PCF11: variants seen among roughly 807,000 people sequenced by gnomAD.
PCF11 encodes the protein PCF11 cleavage and polyadenylation factor subunit.
Under a neutral mutation model 166.1 loss-of-function variants are expected in PCF11, and 19 were observed. The ratio of observed to expected loss-of-function variants is 0.11; its 90% CI spans 0.08 to 0.17. The LOEUF (loss-of-function observed/expected upper bound fraction) is 0.17. PCF11 is among the 10% of genes least tolerant of loss of function. PCF11 has a pLI of 1.00. For synonymous variants in PCF11, 663 were observed against 644.1 expected (o/e 1.03, Z -0.44); for missense variants, 1,565 against 1,855.5 (o/e 0.84, Z 2.88).
At chr11:83,161,102 G>A (rs1860234695) in intron 1 of PCF11, among the ~76,000 whole-genome samples, 1 of 152,118 alleles carries the variant, frequency 6.6e-6, no homozygotes, top group Non-Finnish European at 1.5e-5. Context: ...GTATATTAGG[G>A]ATTACAGCTG....
At chr11:83,157,703 C>A in intron 1 of PCF11, 72 bp downstream of exon 1, 2 of 1,367,950 alleles carry the variant, frequency 1.5e-6, no homozygotes, top group South Asian at 1.2e-5. Flanking sequence ...CATCCCAGGT[C>A]TCGCTTCCAT....
intron 11 of PCF11, 25 bp downstream of exon 11, chr11:83,177,844 A>C (rs1249195079): frequency 3.4e-6 from 4 of 1,160,166 alleles, no homozygotes; most frequent in Non-Finnish European, 5.0e-6. Context: ...TTTCTTTAAG[A>C]TAAAGAGGCA....
In PCF11 at chr11:83,167,427, T is replaced by G; in HGVS notation, c.2014T>G (p.Leu672Val). 6.3e-7 allele frequency: 1 copy of G among 1,599,220 alleles called. No homozygotes were observed. Among genetic ancestry groups the G allele is most frequent in the Non-Finnish European group, 8.5e-7 (1 of 1,175,000 alleles). Reference sequence around the variant, plus strand: ...CACCCCTATACAGACGAGTGAACGTTTAGCATCTGGTGAAATTACACAGGA... The same window carrying G: ...CACCCCTATACAGACGAGTGAACGTGTAGCATCTGGTGAAATTACACAGGA... The change falls in exon 7 of 16, where the codon TTA becomes GTA. Residue 672 changes from leucine (L) to valine (V), a missense_variant. By Grantham distance (32) the Leu-to-Val change is conservative. Transcript: ENST00000298281. This position sits in a 1 kb window ranked among gnomAD's most constrained non-coding sequence, Gnocchi z 4.2.
chr11:83,169,189 G>A (rs1263639692), exon 8 of PCF11: 2 of 1,613,444 alleles, frequency 1.2e-6, no homozygotes, highest in Non-Finnish European at 1.7e-6. Flanking sequence ...ACAGCAAGGG[G>A]TTGGAATGAG....
At chr11:83,187,395 T>G (rs1342634287) in exon 16 of PCF11, 1 of 146,040 alleles carries the variant, frequency 6.8e-6, no homozygotes, top group African/African-American at 2.8e-5. Flanking sequence ...GTCAAGAAAA[T>G]ATGTAAGACT....
intron 9 of PCF11, among the ~76,000 whole-genome samples, chr11:83,173,449 G>A (rs775473656): frequency 2.0e-5 from 3 of 149,930 alleles, no homozygotes; most frequent in African/African-American, 4.9e-5. Context: ...GTGAGACTCC[G>A]TCTCAGAAAA....
exon 16 of PCF11, chr11:83,186,841 C>G (rs1861309360): frequency 6.6e-6 from 1 of 152,144 alleles, no homozygotes. Context: ...TCCTGTTGAA[C>G]ATTTTTCTGG....
chr11:83,159,895 A>G (rs1042476033), intron 1 of PCF11, among the ~76,000 whole-genome samples: 33 of 152,346 alleles, frequency 2.2e-4, no homozygotes, highest in African/African-American at 7.5e-4. Context: ...ACAATAAAAA[A>G]TTAGCCTACT....
exon 5 of PCF11, chr11:83,165,983 TAAATCGAAATCG>T (rs758555602): frequency 1.3e-6 from 2 of 1,598,124 alleles, no homozygotes; most frequent in African/African-American, 2.7e-5. Context: ...AATTAGATTC[TAAATCGAAATCG>T]AAATCGAAAT....
chr11:83,175,216 A>G (rs546315128), intron 9 of PCF11, among the ~76,000 whole-genome samples: 10 of 151,866 alleles, frequency 6.6e-5, no homozygotes, highest in South Asian at 2.1e-4. Flanking sequence ...GCTCACTGCA[A>G]CCTCCTCCCA....
chr11:83,167,060 A>T lies in PCF11; in HGVS notation c.1818-65A>T. 7.9e-7 allele frequency: 1 copy of T among 1,267,986 alleles called. No individual in the cohort carries two copies. The highest frequency in any genetic ancestry group is 1.1e-6 in the Non-Finnish European group (1 of 902,352). 78.5% of individuals were successfully genotyped at this position (1,267,986 alleles called of 1,614,324 possible). On this transcript the variant is annotated intron_variant, in intron 5 of 15. Transcript: ENST00000298281. The surrounding 1 kb of genome is among the most constrained non-coding windows in gnomAD (Gnocchi z 4.2). The stretch of plus-strand genomic sequence containing the variant: ...ACCATATCCTTTGAAAAGAATCTTT[A>T]AATATGGTCCTGAGTATTTTTTAAA...
At chr11:83,169,564 G>A in exon 8 of PCF11, 1 of 1,613,944 alleles carries the variant, frequency 6.2e-7, no homozygotes, top group South Asian at 1.1e-5. Flanking sequence ...GAGGTTTGAT[G>A]GACCACCTGG....
intron 11 of PCF11, among the ~76,000 whole-genome samples, chr11:83,178,884 T>C (rs1565161579): frequency 6.6e-6 from 1 of 152,114 alleles, no homozygotes; most frequent in African/African-American, 2.4e-5. Flanking sequence ...ATACTATAAA[T>C]AAAATCAAGA....
In PCF11 at chr11:83,167,936, C is replaced by G; in HGVS notation, c.2092+431C>G. 7.9e-7 allele frequency: 1 copy of G among 1,260,934 alleles called. No individual in the cohort carries two copies. The highest frequency in any genetic ancestry group is 1.5e-5 in the African/African-American group (1 of 65,240). 78.1% of individuals were successfully genotyped at this position (1,260,934 alleles called of 1,614,324 possible). A position where few individuals can be genotyped will look rare whatever the true frequency, so the allele number is the denominator to read the frequency against. ...AAATCAGATTATGCCTATTGAATCACACAGCAGTGAAGGGAAAATGAACAA... is the reference window on the plus strand; with the variant it reads ...AAATCAGATTATGCCTATTGAATCAGACAGCAGTGAAGGGAAAATGAACAA... On this transcript the variant is annotated intron_variant, in intron 7 of 15. Transcript: ENST00000298281. The surrounding 1 kb of genome is among the most constrained non-coding windows in gnomAD (Gnocchi z 4.2).
At chr11:83,158,962 A>T (rs886386563) in intron 1 of PCF11, 15 of 152,222 alleles carry the variant, frequency 9.9e-5, no homozygotes, top group South Asian at 6.2e-4. Flanking sequence ...TGTGTTTTAA[A>T]CAAAAGTCTT....
exon 5 of PCF11, chr11:83,165,873 G>C (rs1361115427): frequency 3.1e-6 from 5 of 1,605,302 alleles, no homozygotes; most frequent in Non-Finnish European, 3.4e-6. Flanking sequence ...AAACCAGTCT[G>C]ATACTAAGAC....
chr11:83,161,233 A>C (rs1860240966), intron 1 of PCF11, 94 bp from the exon 2 acceptor site: 1 of 932,868 alleles, frequency 1.1e-6, no homozygotes, highest in East Asian at 2.7e-5. Context: ...ATCAACAAAA[A>C]TAGAGGTCTG....
exon 5 of PCF11, chr11:83,165,674 A>G: frequency 1.9e-6 from 3 of 1,613,766 alleles, no homozygotes; most frequent in Non-Finnish European, 1.7e-6. Context: ...TACATGTTTC[A>G]CAGATTCCCC....
chr11:83,168,911 C>T, exon 8 of PCF11: 1 of 1,613,530 alleles, frequency 6.2e-7, no homozygotes, highest in Non-Finnish European at 8.5e-7. Context: ...TTTGAGGGAT[C>T]TCCAGGTGGT....
Sources: allele counts gnomAD v4.1 joint callset (sites outside exome capture counted in the v4.1 genomes callset), GRCh38; gene constraint gnomAD v4.1.1; non-coding constraint Gnocchi (gnomAD v3.1); transcripts MANE v1.5; gene names NCBI Gene and HGNC (gene_info 2026-07-23, HGNC 2026-07-21).